FERRY3: variants seen among roughly 807,000 people sequenced by gnomAD.
FERRY3 encodes the protein FERRY endosomal RAB5 effector complex subunit 3.
chr12:4,535,718 G>C, the FERRY3 span, among the ~76,000 whole-genome samples: 1 of 152,176 alleles, frequency 6.6e-6, no homozygotes, highest in Non-Finnish European at 1.5e-5. This position sits in a 1 kb window ranked among gnomAD's most constrained non-coding sequence, Gnocchi z 4.0. Flanking sequence ...ATTAGCGATA[G>C]CTAAACTGCC....
chr12:4,536,752 C>A, the FERRY3 span, among the ~76,000 whole-genome samples: 3 of 152,014 alleles, frequency 2.0e-5, no homozygotes, highest in African/African-American at 7.2e-5. Flanking sequence ...CACTTCCGGC[C>A]CACACCCCAA....
the FERRY3 span, among the ~76,000 whole-genome samples, chr12:4,517,348 A>C: frequency 6.6e-6 from 1 of 152,164 alleles, no homozygotes; most frequent in African/African-American, 2.4e-5. Flanking sequence ...AAGTTAGGGC[A>C]CAGCAATTTT....
the FERRY3 span, among the ~76,000 whole-genome samples, chr12:4,514,839 G>A: frequency 6.6e-6 from 1 of 152,034 alleles, no homozygotes; most frequent in African/African-American, 2.4e-5. Flanking sequence ...GTATACATAT[G>A]TAACTAACCT....
the FERRY3 span, among the ~76,000 whole-genome samples, chr12:4,500,631 A>G: frequency 6.6e-6 from 1 of 152,140 alleles, no homozygotes; most frequent in Admixed American, 6.5e-5. Flanking sequence ...TTTGATGTAC[A>G]TGCCCAAGAT....
chr12:4,511,251 TGA>T, the FERRY3 span, among the ~76,000 whole-genome samples: 4 of 150,746 alleles, frequency 2.7e-5, no homozygotes, highest in African/African-American at 9.8e-5. Flanking sequence ...AAGTCCTGAG[TGA>T]CCTACAAAGA....
the FERRY3 span, among the ~76,000 whole-genome samples, chr12:4,523,958 T>C: frequency 4.0e-5 from 6 of 150,520 alleles, no homozygotes; most frequent in East Asian, 1.9e-4. Context: ...TAAAGTATAA[T>C]AAAAAAATTT....
the FERRY3 span, among the ~76,000 whole-genome samples, chr12:4,494,511 G>A: frequency 6.6e-6 from 1 of 152,156 alleles, no homozygotes; most frequent in East Asian, 1.9e-4. Flanking sequence ...TTTTATATAT[G>A]ATATAATGTA....
At chr12:4,510,613 C>T in the FERRY3 span, among the ~76,000 whole-genome samples, 3 of 151,338 alleles carry the variant, frequency 2.0e-5, no homozygotes, top group Admixed American at 6.6e-5. Context: ...AGAAAAGAAT[C>T]TTCAACCCAG....
the FERRY3 span, among the ~76,000 whole-genome samples, chr12:4,508,290 A>C: frequency 1.3e-5 from 2 of 152,232 alleles, no homozygotes; most frequent in Non-Finnish European, 2.9e-5. Context: ...TGCACCTAAA[A>C]TACTACAATG....
chr12:4,501,525 G>T, the FERRY3 span, among the ~76,000 whole-genome samples: 1 of 152,092 alleles, frequency 6.6e-6, no homozygotes, highest in Non-Finnish European at 1.5e-5. Context: ...TCCGCCTCCT[G>T]TCAGATCAGT....
At chr12:4,507,651 A>G in the FERRY3 span, among the ~76,000 whole-genome samples, 2 of 152,252 alleles carry the variant, frequency 1.3e-5, no homozygotes, top group Admixed American at 1.3e-4. Context: ...GCAATAGATC[A>G]AATGTCTATT....
At chr12:4,493,602 C>T in the FERRY3 span, among the ~76,000 whole-genome samples, 1 of 152,112 alleles carries the variant, frequency 6.6e-6, no homozygotes, top group Non-Finnish European at 1.5e-5. Context: ...TTCTGATATT[C>T]CACTTTAAGT....
chr12:4,492,475 CAACTG>C, the FERRY3 span, among the ~76,000 whole-genome samples: 8 of 152,238 alleles, frequency 5.3e-5, no homozygotes, highest in Non-Finnish European at 4.4e-5. Context: ...TCCCATCACT[CAACTG>C]AAAATTCTTT....
chr12:4,490,376 C>T, the FERRY3 span: 2 of 583,426 alleles, frequency 3.4e-6, no homozygotes, highest in East Asian at 3.2e-5. Flanking sequence ...GCCTTTATCA[C>T]ATCCAAATAC....
the FERRY3 span, among the ~76,000 whole-genome samples, chr12:4,526,617 G>C: frequency 6.6e-6 from 1 of 152,008 alleles, no homozygotes; most frequent in East Asian, 1.9e-4. Flanking sequence ...CGAGGTGGGC[G>C]GATCACCTGA....
the FERRY3 span, among the ~76,000 whole-genome samples, chr12:4,496,067 C>T: frequency 2.6e-5 from 4 of 152,200 alleles, no homozygotes; most frequent in African/African-American, 9.7e-5. Flanking sequence ...TGCATGTGCA[C>T]GCACACAAAC....
At chr12:4,513,521 G>A in the FERRY3 span, among the ~76,000 whole-genome samples, 2 of 150,362 alleles carry the variant, frequency 1.3e-5, no homozygotes, top group African/African-American at 4.9e-5. Context: ...AACCAAAACA[G>A]CATGGTACTG....
chr12:4,511,679 C>A, the FERRY3 span, among the ~76,000 whole-genome samples: 2 of 150,840 alleles, frequency 1.3e-5, no homozygotes, highest in Admixed American at 6.6e-5. Flanking sequence ...TAAAAATGTT[C>A]TTTGAAACCA....
At chr12:4,491,402 C>T in the FERRY3 span, among the ~76,000 whole-genome samples, 3 of 152,100 alleles carry the variant, frequency 2.0e-5, no homozygotes, top group Admixed American at 1.3e-4. Flanking sequence ...CAGCTTCTTC[C>T]AGCTGTTAGA....
Sources: allele counts gnomAD v4.1 joint callset (sites outside exome capture counted in the v4.1 genomes callset), GRCh38; gene constraint gnomAD v4.1.1; non-coding constraint Gnocchi (gnomAD v3.1); transcripts MANE v1.5; gene names NCBI Gene and HGNC (gene_info 2026-07-23, HGNC 2026-07-21).